Variants in LRP1B observed in about 807,000 individuals in gnomAD.
LRP1B encodes low-density lipoprotein receptor-related protein 1B.
A neutral mutation model predicts 556.6 loss-of-function variants in LRP1B; 217 were observed. The observed-to-expected ratio is 0.39, with a 90% CI of 0.35 to 0.44. The LOEUF is 0.44. LRP1B is among the 20% of genes least tolerant of loss of function. The pLI is 1.00. For synonymous variants in LRP1B, 2,047 were observed against 1,865.8 expected (o/e 1.10, Z -2.50); for missense variants, 5,053 against 5,620.8 (o/e 0.90, Z 3.23).
At chr2:140,616,491 T>TA (rs1271338263) in intron 41 of LRP1B, among the ~76,000 whole-genome samples, 4 of 151,372 alleles carry the variant, frequency 2.6e-5, no homozygotes, top group African/African-American at 9.7e-5. Context: ...AGTCTTTTTT[T>TA]TTTTTTTTAC....
intron 2 of LRP1B, among the ~76,000 whole-genome samples, chr2:141,689,908 A>G (rs1271753207): frequency 6.6e-6 from 1 of 151,832 alleles, no homozygotes; most frequent in Non-Finnish European, 1.5e-5. Context: ...TAAATTTTCT[A>G]TAGGATTTCT....
chr2:141,420,985 CA>C (rs998484936), intron 3 of LRP1B, among the ~76,000 whole-genome samples: 16 of 152,102 alleles, frequency 1.1e-4, no homozygotes, highest in Admixed American at 5.9e-4. Context: ...AAGGAAGGGC[CA>C]ACATGGGTAA....
intron 15 of LRP1B, among the ~76,000 whole-genome samples, chr2:140,997,638 A>C (rs963968104): frequency 8.6e-5 from 13 of 151,798 alleles, no homozygotes; most frequent in Non-Finnish European, 1.0e-4. Flanking sequence ...TGGAACAAAA[A>C]AAATAAAATA....
rs1682567930 is a variant in LRP1B at position 140,599,443 on chromosome 2, A to G, written c.6990-608T>C. ...TCTAGGAGTGACTCTTAAATCCTTC[A>G]GCATAGTATCTGTTCTCTATGGATT... On this transcript the variant is annotated intron_variant, in intron 42 of 90. Transcript: ENST00000389484. Among the ~76,000 whole-genome samples, 4 of 152,096 alleles carry G rather than the reference A, an allele frequency of 2.6e-5. No individual in the cohort carries two copies. The South Asian group carries it at 8.3e-4, about 32-fold the overall frequency.
At chr2:141,945,032 C>T (rs900457257) in intron 1 of LRP1B, among the ~76,000 whole-genome samples, 6 of 152,090 alleles carry the variant, frequency 3.9e-5, no homozygotes, top group African/African-American at 1.4e-4. Context: ...AACTGCTTTT[C>T]ATGTATTCTG....
In LRP1B at chr2:141,466,039, C is replaced by T. The variant is rs897154264; in HGVS notation, c.343+14357G>A. Among the ~76,000 whole-genome samples the T allele has an allele frequency of 3.3e-5, 5 of 152,022 alleles. 1 individual carries two copies. Among genetic ancestry groups the T allele is most frequent in the Middle Eastern group, 6.3e-3 (2 of 316 alleles). On this transcript the variant is annotated intron_variant, in intron 3 of 90. Transcript: ENST00000389484. The stretch of plus-strand genomic sequence containing the variant: ...GAGTAGCTGGGATTACAGGTGCCTG[C>T]TACTGCACCCAGCTAATTTTTGTAT...
intron 2 of LRP1B, among the ~76,000 whole-genome samples, chr2:141,759,901 C>T (rs529623968): frequency 1.1e-4 from 17 of 152,124 alleles, no homozygotes; most frequent in African/African-American, 3.6e-4. Context: ...TAGGCCGAGG[C>T]GGGTAGATCA....
chr2:140,907,322 C>A (rs1694286169), intron 22 of LRP1B, among the ~76,000 whole-genome samples: 1 of 151,996 alleles, frequency 6.6e-6, no homozygotes, highest in African/African-American at 2.4e-5. Context: ...GATTTCAAAG[C>A]TCATTGAAAT....
At chr2:140,432,270 A>G (rs890723300) in intron 66 of LRP1B, among the ~76,000 whole-genome samples, 1 of 152,012 alleles carries the variant, frequency 6.6e-6, no homozygotes, top group African/African-American at 2.4e-5. Context: ...CCCAAATCTT[A>G]TAAAACAGAC....
At chr2:140,310,029 A>C (rs1188624607) in intron 83 of LRP1B, among the ~76,000 whole-genome samples, 2 of 151,800 alleles carry the variant, frequency 1.3e-5, no homozygotes, top group Admixed American at 1.3e-4. Flanking sequence ...GTGTTTCAAA[A>C]TTGCTTGCTG....
At chr2:140,639,073 G>A (rs964147693) in intron 41 of LRP1B, among the ~76,000 whole-genome samples, 3 of 152,148 alleles carry the variant, frequency 2.0e-5, no homozygotes, top group South Asian at 2.1e-4. Flanking sequence ...TCTTTGAAGC[G>A]ATATATTCTT....
chr2:141,053,936 C>T (rs1271193454), intron 10 of LRP1B, among the ~76,000 whole-genome samples: 4 of 151,762 alleles, frequency 2.6e-5, no homozygotes, highest in Non-Finnish European at 5.9e-5. Flanking sequence ...CTTCTTTTAT[C>T]ATGAGGCTTC....
chr2:141,899,233 T>C (rs980166031), intron 1 of LRP1B, among the ~76,000 whole-genome samples: 2 of 152,148 alleles, frequency 1.3e-5, no homozygotes, highest in African/African-American at 4.8e-5. Context: ...TGTACGCTGA[T>C]GGAATCTGCT....
At chr2:142,123,615 G>A (rs1220709734) in intron 1 of LRP1B, among the ~76,000 whole-genome samples, 2 of 151,542 alleles carry the variant, frequency 1.3e-5, no homozygotes, top group African/African-American at 2.4e-5. Context: ...ATGTAATGTC[G>A]GTATCTTAGC....
At chr2:141,243,772 T>C (rs976125387) in intron 5 of LRP1B, among the ~76,000 whole-genome samples, 2 of 152,174 alleles carry the variant, frequency 1.3e-5, no homozygotes, top group Non-Finnish European at 2.9e-5. Context: ...ATTTCATTAG[T>C]CAGAGACAAT....
At chr2:141,588,905 A>T (rs924347676) in intron 2 of LRP1B, among the ~76,000 whole-genome samples, 11 of 152,204 alleles carry the variant, frequency 7.2e-5, no homozygotes, top group Admixed American at 4.6e-4. Context: ...GACAAAAAAT[A>T]AGACAACAGG....
intron 47 of LRP1B, among the ~76,000 whole-genome samples, chr2:140,533,757 T>C (rs1011844108): frequency 6.6e-6 from 1 of 152,102 alleles, no homozygotes; most frequent in South Asian, 2.1e-4. Flanking sequence ...CTGGTAGAAA[T>C]GTCCGAATCC....
intron 2 of LRP1B, among the ~76,000 whole-genome samples, chr2:141,672,909 T>C (rs355545): frequency 0.59 from 89,523 of 151,846 alleles, 26,807 homozygotes; most frequent in East Asian, 0.76. Flanking sequence ...CCTTTTCTCA[T>C]TCAGGTTGAG....
chr2:141,421,820 A>T (rs1197293860), intron 3 of LRP1B, among the ~76,000 whole-genome samples: 1 of 152,138 alleles, frequency 6.6e-6, no homozygotes, highest in African/African-American at 2.4e-5. Flanking sequence ...CTATCTCTGA[A>T]CGTACCAATG....
Sources: allele counts gnomAD v4.1 joint callset (sites outside exome capture counted in the v4.1 genomes callset), GRCh38; gene constraint gnomAD v4.1.1; transcripts MANE v1.5; gene names NCBI Gene and HGNC (gene_info 2026-07-23, HGNC 2026-07-21).